CTIF: variants seen among roughly 807,000 people sequenced by gnomAD.
The protein encoded by CTIF is cap binding complex dependent translation initiation factor, also known as CBP80/20-dependent translation initiation factor.
CTIF carries 21 observed loss-of-function variants against 66.0 expected under a neutral mutation model. The observed-to-expected ratio is 0.32, with a 90% confidence interval of 0.23 to 0.46. The LOEUF is 0.46. CTIF is among the 20% of genes least tolerant of loss of function. The pLI is 1.00. For missense variants in CTIF, 739 were observed against 812.7 expected (o/e 0.91, Z 1.10); for synonymous variants, 345 against 326.4 (o/e 1.06, Z -0.62).
intron 7 of CTIF, among the ~76,000 whole-genome samples, chr18:48,732,149 G>A (rs1257789063): frequency 6.6e-6 from 1 of 152,184 alleles, no homozygotes; most frequent in African/African-American, 2.4e-5. Flanking sequence ...GGGCTCACAT[G>A]CCTTTTGAGG....
intron 1 of CTIF, among the ~76,000 whole-genome samples, chr18:48,619,274 C>A (rs867633323): frequency 4.6e-5 from 7 of 152,244 alleles, no homozygotes; most frequent in Admixed American, 6.5e-5. Flanking sequence ...AACTCTGACA[C>A]TGCACAGTGC....
At chr18:48,658,759 A>G (rs192673923) in intron 3 of CTIF, among the ~76,000 whole-genome samples, 1 of 152,122 alleles carries the variant, frequency 6.6e-6, no homozygotes, top group Non-Finnish European at 1.5e-5. Flanking sequence ...GCATGTGTAC[A>G]TGTATGCATA....
In CTIF at chr18:48,656,806, G is replaced by T. The variant is rs73958903; in HGVS notation, c.253-6946G>T. 1.5e-3 allele frequency among the ~76,000 whole-genome samples: 221 copies of T among 152,300 alleles called. 3 individuals are homozygous for T. The South Asian group carries it at 0.02, about 14-fold the overall frequency. On this transcript the variant is annotated intron_variant, in intron 3 of 11. Transcript: ENST00000256413. ...AGAACCTTGGCATTTCAGCAACCGG[G>T]GGGGCAGGGCCTGGATGCTGTCAGG...
chr18:48,714,241 C>T (rs2092257608), intron 7 of CTIF, among the ~76,000 whole-genome samples: 1 of 152,188 alleles, frequency 6.6e-6, no homozygotes, highest in African/African-American at 2.4e-5. Context: ...GCAGGTTCAC[C>T]TTCCTAATAT....
intron 1 of CTIF, among the ~76,000 whole-genome samples, chr18:48,551,194 G>A (rs1354222216): frequency 6.6e-6 from 1 of 151,344 alleles, no homozygotes; most frequent in Non-Finnish European, 1.5e-5. Flanking sequence ...AACAGTGTGA[G>A]GATGCAACGA....
intron 3 of CTIF, among the ~76,000 whole-genome samples, chr18:48,659,222 G>A (rs2091298816): frequency 6.6e-6 from 1 of 152,062 alleles, no homozygotes; most frequent in Non-Finnish European, 1.5e-5. Context: ...TGGCAATAAG[G>A]AGTGCGGCCC....
intron 9 of CTIF, among the ~76,000 whole-genome samples, chr18:48,805,011 C>T (rs1397895613): frequency 6.6e-6 from 1 of 152,204 alleles, no homozygotes; most frequent in Non-Finnish European, 1.5e-5. Context: ...CTTGAGGTGG[C>T]TTAACATTGC....
chr18:48,744,229 G>A (rs754087289), intron 7 of CTIF, among the ~76,000 whole-genome samples: 7 of 152,274 alleles, frequency 4.6e-5, no homozygotes, highest in South Asian at 4.1e-4. Context: ...GCCATCCTAC[G>A]GTGAGGGGTC....
intron 9 of CTIF, among the ~76,000 whole-genome samples, chr18:48,791,296 G>A (rs997681370): frequency 3.3e-5 from 5 of 152,260 alleles, no homozygotes; most frequent in Non-Finnish European, 7.3e-5. Flanking sequence ...GAGCAGAATG[G>A]AAGACCTAAG....
At chr18:48,630,296 TG>T (rs964778063) in intron 2 of CTIF, among the ~76,000 whole-genome samples, 1 of 147,924 alleles carries the variant, frequency 6.8e-6, no homozygotes. Context: ...CCCTCAGGGT[TG>T]GGGGGGTGGG....
chr18:48,850,300 G>A (rs2069173179), intron 10 of CTIF, among the ~76,000 whole-genome samples: 1 of 152,092 alleles, frequency 6.6e-6, no homozygotes, highest in African/African-American at 2.4e-5. Flanking sequence ...TCTTGCTATT[G>A]TCAGTAATGC....
chr18:48,549,307 A>G lies in CTIF; in HGVS notation c.-29+9995A>G, dbSNP rs148451572. Among the ~76,000 whole-genome samples the G allele has an allele frequency of 8.5e-5, 13 of 152,290 alleles. No individual in the cohort carries two copies. The East Asian group carries it at 2.5e-3, about 29-fold the overall frequency. ...TTACAGCCACAGGGTTCTATCTTAT[A>G]TCTCACCATGATCTCAGTTTGGGGA... On this transcript the variant is annotated intron_variant, in intron 1 of 11. Coordinates refer to ENST00000256413, the MANE Select transcript of CTIF (RefSeq NM_014772.3).
chr18:48,659,538 CGGCTCCTTGGTTTGTAAAG>C (rs1322679756), intron 3 of CTIF, among the ~76,000 whole-genome samples: 1 of 152,202 alleles, frequency 6.6e-6, no homozygotes, highest in Non-Finnish European at 1.5e-5. Flanking sequence ...AGATGGGGTC[CGGCTCCTTGGTTTGTAAAG>C]GGCTCACCTT....
At chr18:48,645,369 G>T (rs762711818) in intron 3 of CTIF, among the ~76,000 whole-genome samples, 1 of 150,820 alleles carries the variant, frequency 6.6e-6, no homozygotes, top group Non-Finnish European at 1.5e-5. Context: ...GAAGGAAAAT[G>T]ATAGGAAAAG....
At chr18:48,636,579 C>G in intron 2 of CTIF, 35 bp from the exon 3 acceptor site, 6 of 1,483,446 alleles carry the variant, frequency 4.0e-6, no homozygotes, top group Non-Finnish European at 5.4e-6. Flanking sequence ...GCCTGGCTGT[C>G]CTGCCGTCAC....
chr18:48,619,259 A>G (rs2090450064), intron 1 of CTIF, among the ~76,000 whole-genome samples: 1 of 152,200 alleles, frequency 6.6e-6, no homozygotes, highest in Non-Finnish European at 1.5e-5. Context: ...GCCTAGGTAG[A>G]CACTAACTCT....
intron 9 of CTIF, among the ~76,000 whole-genome samples, chr18:48,789,347 T>A (rs2067742965): frequency 6.6e-6 from 1 of 152,216 alleles, no homozygotes; most frequent in African/African-American, 2.4e-5. Flanking sequence ...ATGAGGATGG[T>A]AATAATGATT....
At chr18:48,723,936 C>G (rs9963062) in intron 7 of CTIF, among the ~76,000 whole-genome samples, 41,105 of 152,076 alleles carry the variant, frequency 0.27, 6,398 homozygotes, top group African/African-American at 0.42. Context: ...GGCAAGACAC[C>G]AGCAAACAGA....
chr18:48,772,049 C>A (rs2145971729), intron 9 of CTIF, among the ~76,000 whole-genome samples: 1 of 152,330 alleles, frequency 6.6e-6, no homozygotes, highest in South Asian at 2.1e-4. Context: ...AGAGCAGTGG[C>A]CCCTGGGCAG....
Sources: allele counts gnomAD v4.1 joint callset (sites outside exome capture counted in the v4.1 genomes callset), GRCh38; gene constraint gnomAD v4.1.1; transcripts MANE v1.5; gene names NCBI Gene and HGNC (gene_info 2026-07-23, HGNC 2026-07-21).